The following CCPG1 variants were observed in gnomAD, a reference collection of about 807,000 sequenced individuals.
The protein encoded by CCPG1 is cell cycle progression 1.
CCPG1 carries 46 observed loss-of-function variants against 81.3 expected under a neutral mutation model. The ratio of observed to expected loss-of-function variants is 0.57; its 90% CI spans 0.45 to 0.72. CCPG1 has a LOEUF of 0.72. Ranked by LOEUF, CCPG1 falls within the 30% of genes least tolerant of loss-of-function variation. CCPG1 has a pLI of 0.00. For missense variants in CCPG1, 902 were observed against 937.6 expected, an observed-to-expected ratio of 0.96 and a Z score of 0.50; for synonymous variants, 330 against 305.2, an observed-to-expected ratio of 1.08 and a Z score of -0.85.
intron 3 of CCPG1, among the ~76,000 whole-genome samples, chr15:55,380,327 C>G (rs1432757196): frequency 1.3e-5 from 2 of 150,910 alleles, no homozygotes; most frequent in Admixed American, 1.3e-4. Context: ...ACGGAGTCCC[C>G]CTCTGTCGCC....
At chr15:55,400,169 C>T (rs572417798) in intron 1 of CCPG1, among the ~76,000 whole-genome samples, 1 of 137,950 alleles carries the variant, frequency 7.2e-6, no homozygotes, top group East Asian at 2.1e-4. Flanking sequence ...GAGATAATAC[C>T]ACTGCACTCC....
intron 3 of CCPG1, among the ~76,000 whole-genome samples, chr15:55,381,123 C>T (rs1399762324): frequency 6.6e-6 from 1 of 151,294 alleles, no homozygotes; most frequent in Non-Finnish European, 1.5e-5. Flanking sequence ...GGCAACAGAG[C>T]AAGACACCAT....
chr15:55,385,768 G>C, intron 2 of CCPG1, 54 bp from the exon 3 acceptor site: 2 of 893,866 alleles, frequency 2.2e-6, no homozygotes, highest in Non-Finnish European at 3.7e-6. Flanking sequence ...CTCAAAGCTA[G>C]ATTTGACTAC....
At chr15:55,371,627 G>C (rs1050814439) in intron 6 of CCPG1, among the ~76,000 whole-genome samples, 166 bp downstream of exon 6, 3 of 152,118 alleles carry the variant, frequency 2.0e-5, no homozygotes, top group Non-Finnish European at 2.9e-5. Context: ...TTGTGAGATA[G>C]GCAGCACCCA....
Position 55,360,405 on chromosome 15 carries a change from T to A in CCPG1, c.1368A>T (p.Lys456Asn). 1 of 1,613,870 alleles carries A rather than the reference T, an allele frequency of 6.2e-7. No individual in the cohort carries two copies. Among genetic ancestry groups the A allele is most frequent in the Middle Eastern group, 1.6e-4 (1 of 6,062 alleles). Residue 456 changes from lysine (K) to asparagine (N), a missense_variant, in exon 8 of 9, where the codon AAA becomes AAT. Transcript: ENST00000442196. Reference protein sequence around the residue: ...DLWERLYVEAKDQNGKQGTDG... With the variant: ...DLWERLYVEANDQNGKQGTDG... ...CTGTTCCTTGTTTTCCATTTTGATC[T>A]TTTGCCTCAACATACAATCTTTCCC... is the stretch of plus-strand genomic sequence containing the variant.
chr15:55,370,657 A>G (rs2056427754), intron 6 of CCPG1, among the ~76,000 whole-genome samples: 1 of 152,200 alleles, frequency 6.6e-6, no homozygotes, highest in Non-Finnish European at 1.5e-5. Flanking sequence ...CGGGTGGATC[A>G]CAAGGTCAGG....
rs2141265466 is a variant in CCPG1, at chr15:55,370,576, A to T, written c.706+1217T>A. ...GAGGCTGAGTGGGGTGGATCACCTT[A>T]GGTCAAGAGTTCAAGACTGGCTGGG... is the stretch of plus-strand genomic sequence containing the variant. On this transcript the variant is annotated intron_variant, in intron 6 of 8. Coordinates refer to ENST00000442196, the MANE Select transcript of CCPG1 (RefSeq NM_001204450.2). 3.3e-5 allele frequency among the ~76,000 whole-genome samples: 5 copies of T among 152,258 alleles called. 1 individual carries two copies. The highest frequency in any genetic ancestry group is 3.3e-4 in the Admixed American group (5 of 15,296).
chr15:55,383,294 T>C (rs2056738005), intron 3 of CCPG1, among the ~76,000 whole-genome samples: 2 of 152,226 alleles, frequency 1.3e-5, no homozygotes, highest in African/African-American at 2.4e-5. Context: ...AACACTGAGC[T>C]TAAAATATTC....
rs539044098 is a variant in CCPG1 at position 55,374,088 on chromosome 15, C to T, written c.455-2044G>A. 212 of 889,576 alleles carry T rather than the reference C, an allele frequency of 2.4e-4. No homozygotes were observed. In the African/African-American group the frequency reaches 3.1e-3, roughly 13 times the overall value. The allele number at this position is 889,576 out of a possible 1,614,324, so 55.1% of individuals were successfully genotyped here. ...TGACAACAGGTATCTTTAAAGCACT[C>T]GGTAAATAGTAAATGTGACTAGGCA... is the stretch of plus-strand genomic sequence containing the variant. On this transcript the variant is annotated intron_variant, in intron 5 of 8. Transcript: ENST00000442196.
In CCPG1 at chr15:55,355,916, C is replaced by A; in HGVS notation, c.*304G>T. The A allele has an allele frequency of 5.3e-6, 2 of 374,258 alleles. No homozygotes were observed. Among genetic ancestry groups the A allele is most frequent in the East Asian group, 5.8e-5 (1 of 17,228 alleles). The allele number at this position is 374,258 out of a possible 1,614,324, so 23.2% of individuals were successfully genotyped here. ...CATGTATGACTGAGCTTGCTTTAAG[C>A]TCTTACACTGAAAGGAAGTCTCATT... On this transcript the variant is annotated 3_prime_UTR_variant, in exon 9 of 9. Coordinates refer to ENST00000442196, the MANE Select transcript of CCPG1 (RefSeq NM_001204450.2).
intron 8 of CCPG1, chr15:55,357,857 A>T (rs1488176298): frequency 3.3e-5 from 5 of 151,564 alleles, no homozygotes; most frequent in South Asian, 2.1e-4. Context: ...TCAAATAATT[A>T]AAAAAAAATA....
intron 4 of CCPG1, among the ~76,000 whole-genome samples, chr15:55,377,357 A>G (rs4380011): frequency 0.23 from 35,662 of 152,144 alleles, 5,337 homozygotes; most frequent in Non-Finnish European, 0.34. Flanking sequence ...TCAGAATTAG[A>G]TCAGACCACT....
In CCPG1 at chr15:55,365,290, CT is replaced by C. The variant is rs2056298446; in HGVS notation, c.725del (p.Lys242SerfsTer5). ...GTATCTTTCTGACTAACTGTTGACG[CT>C]TCTGAATCTGAATTGTGCCTAAAAT... ...GHFYGTIQIQ[K>X]RQQLVRKIHE... On this transcript the variant is annotated frameshift_variant, in exon 7 of 9. Coordinates refer to ENST00000442196, the MANE Select transcript of CCPG1 (RefSeq NM_001204450.2). LOFTEE classifies it high-confidence loss of function. The C allele has an allele frequency of 1.3e-6, 2 of 1,533,656 alleles. No individual in the cohort carries two copies. Among genetic ancestry groups the C allele is most frequent in the African/African-American group, 2.8e-5 (2 of 72,500 alleles).
rs1172413483 is a variant in CCPG1 at position 55,355,557 on chromosome 15, C to T, written c.*663G>A. 1.9e-5 allele frequency: 13 copies of T among 692,964 alleles called. No individual in the cohort carries two copies. In the East Asian group the frequency reaches 3.4e-4, roughly 18 times the overall value. 42.9% of individuals were successfully genotyped at this position (692,964 alleles called of 1,614,324 possible). On this transcript the variant is annotated 3_prime_UTR_variant, in exon 9 of 9. Transcript: ENST00000442196. ...CTGTATGAACTGCTTTACCAAATAT[C>T]ACTACTGAGGAAATGTATAAAATAC...
At chr15:55,389,094 A>G (rs1191493902) in intron 2 of CCPG1, among the ~76,000 whole-genome samples, 2 of 151,294 alleles carry the variant, frequency 1.3e-5, no homozygotes, top group Non-Finnish European at 2.9e-5. Flanking sequence ...AAAAAAGACA[A>G]AATTATATGA....
At chr15:55,398,992 T>C (rs2057075610) in intron 1 of CCPG1, among the ~76,000 whole-genome samples, 1 of 152,212 alleles carries the variant, frequency 6.6e-6, no homozygotes. Context: ...CATATGCTTA[T>C]TGAGTACCTA....
chr15:55,389,138 C>T (rs2056864520), intron 2 of CCPG1, among the ~76,000 whole-genome samples: 1 of 135,504 alleles, frequency 7.4e-6, no homozygotes, highest in Non-Finnish European at 1.6e-5. Flanking sequence ...TGAACAATAA[C>T]AAACCTTCAA....
intron 7 of CCPG1, among the ~76,000 whole-genome samples, 183 bp from the exon 8 acceptor site, chr15:55,361,127 G>C (rs1370389538): frequency 6.6e-6 from 1 of 151,654 alleles, no homozygotes; most frequent in African/African-American, 2.4e-5. Context: ...AGAAAACGCA[G>C]AGCAGAGAGC....
At chr15:55,407,037 A>ACCGCCC (rs1555411230) in intron 1 of CCPG1, among the ~76,000 whole-genome samples, 1 of 112,692 alleles carries the variant, frequency 8.9e-6, no homozygotes, top group African/African-American at 4.6e-5. Flanking sequence ...ACACGTTGAG[A>ACCGCCC]CCCCCCCCCC....
Sources: gnomAD v4.1 joint callset for allele counts (sites outside exome capture counted in the v4.1 genomes callset) on GRCh38, gnomAD v4.1.1 for gene constraint, MANE v1.5 for transcripts, NCBI Gene and HGNC (gene_info 2026-07-23, HGNC 2026-07-21) for gene names.